Variants in BMP6 observed in about 807,000 individuals in gnomAD.
BMP6 encodes the protein bone morphogenetic protein 6, also known as VG-1-R.
BMP6 carries 17 observed loss-of-function variants against 54.1 expected under a neutral mutation model. That is an observed-to-expected ratio of 0.31 (90% CI 0.22 to 0.47). The LOEUF is 0.47. Ranked by LOEUF, BMP6 falls within the 20% of genes least tolerant of loss-of-function variation. The pLI, the probability that BMP6 is intolerant of heterozygous loss-of-function variation, is 1.00. For missense variants in BMP6, 720 were observed against 690.4 expected (o/e 1.04, Z -0.48); for synonymous variants, 328 against 291.2 (o/e 1.13, Z -1.28).
chr6:7,773,791 G>A (rs1403924928), intron 1 of BMP6, among the ~76,000 whole-genome samples: 2 of 152,110 alleles, frequency 1.3e-5, no homozygotes, highest in Non-Finnish European at 2.9e-5. Context: ...ATTTCCACGC[G>A]TTTACTACCT....
At chr6:7,736,957 G>T (rs1157073209) in intron 1 of BMP6, among the ~76,000 whole-genome samples, 2 of 152,162 alleles carry the variant, frequency 1.3e-5, no homozygotes, top group African/African-American at 4.8e-5. Flanking sequence ...GGAGGCCGAG[G>T]ACGGTGGATC....
intron 1 of BMP6, among the ~76,000 whole-genome samples, chr6:7,795,788 C>T (rs1353971562): frequency 6.6e-6 from 1 of 151,928 alleles, no homozygotes; most frequent in Non-Finnish European, 1.5e-5. Context: ...GGACTTAGTG[C>T]TGATTGGAAA....
rs770097052 is a variant in BMP6 at position 7,862,440 on chromosome 6, A to T, written c.1146A>T (p.Gln382His). 6.2e-7 allele frequency: 1 copy of T among 1,614,218 alleles called. No homozygotes were observed. The highest frequency in any genetic ancestry group is 8.5e-7 in the Non-Finnish European group (1 of 1,180,046). The change falls in exon 4 of 7, where the codon CAA becomes CAT. Residue 382 changes from glutamine (Q) to histidine (H), a missense_variant. This residue lies in a region of BMP6 where 650 missense variants were observed against 556.3 expected (regional missense o/e 1.17). Transcript: ENST00000283147. Reference sequence around the variant, plus strand: ...GGTCAGCCTCCAGCCGGCGCCGACAACAGAGTCGTAATCGCTCTACCCAGT... The same window carrying T: ...GGTCAGCCTCCAGCCGGCGCCGACATCAGAGTCGTAATCGCTCTACCCAGT... ...TTRSASSRRR[Q>H]QSRNRSTQSQ... is the part of the protein sequence containing the mutation.
At chr6:7,769,381 A>G (rs1757748256) in intron 1 of BMP6, among the ~76,000 whole-genome samples, 1 of 152,106 alleles carries the variant, frequency 6.6e-6, no homozygotes, top group Non-Finnish European at 1.5e-5. Flanking sequence ...GGGGGGTGGG[A>G]GTTTGGCATC....
intron 4 of BMP6, among the ~76,000 whole-genome samples, chr6:7,872,947 A>G (rs1424646861): frequency 1.3e-5 from 2 of 151,688 alleles, no homozygotes; most frequent in Non-Finnish European, 2.9e-5. Context: ...CAAATAGCCG[A>G]GACCACAGGC....
chr6:7,836,210 TAAAA>T (rs34121626), intron 1 of BMP6, among the ~76,000 whole-genome samples: 1 of 151,064 alleles, frequency 6.6e-6, no homozygotes, highest in Non-Finnish European at 1.5e-5. Context: ...ATTTTTTTTT[TAAAA>T]AAAAATGACT....
chr6:7,864,402 G>C (rs1349383378), intron 4 of BMP6, among the ~76,000 whole-genome samples: 2 of 152,118 alleles, frequency 1.3e-5, no homozygotes, highest in African/African-American at 4.8e-5. Flanking sequence ...TCAAAATCTG[G>C]CTCATAATAG....
intron 1 of BMP6, among the ~76,000 whole-genome samples, chr6:7,758,095 C>T (rs906431491): frequency 1.6e-4 from 24 of 152,222 alleles, no homozygotes; most frequent in Admixed American, 1.4e-3. Context: ...GTAGATTACT[C>T]TTGCTAGTAG....
chr6:7,804,352 C>T (rs551353652), intron 1 of BMP6, among the ~76,000 whole-genome samples: 2 of 152,122 alleles, frequency 1.3e-5, no homozygotes, highest in South Asian at 4.2e-4. Flanking sequence ...TCTCATTAGC[C>T]ATCTGGCCAT....
intron 1 of BMP6, among the ~76,000 whole-genome samples, chr6:7,765,883 C>G (rs1248033091): frequency 6.6e-6 from 1 of 152,210 alleles, no homozygotes; most frequent in Non-Finnish European, 1.5e-5. Context: ...TACCCTCCTT[C>G]AAGTTCAGAT....
intron 1 of BMP6, among the ~76,000 whole-genome samples, chr6:7,739,848 C>T (rs368502593): frequency 2.6e-5 from 4 of 152,252 alleles, no homozygotes; most frequent in East Asian, 3.9e-4. Context: ...ATCATGTTGA[C>T]GATGCTTTTT....
chr6:7,735,514 T>C (rs1265462279), intron 1 of BMP6, among the ~76,000 whole-genome samples: 1 of 152,234 alleles, frequency 6.6e-6, no homozygotes, highest in Non-Finnish European at 1.5e-5. Context: ...TGATTTTTAT[T>C]CAGATTTTAT....
At chr6:7,807,913 C>CTT (rs755894743) in intron 1 of BMP6, among the ~76,000 whole-genome samples, 1,154 of 81,456 alleles carry the variant, frequency 0.014, no homozygotes, top group Middle Eastern at 0.028. Context: ...GAAGTCTTTA[C>CTT]TTTTTTTTTT....
At chr6:7,792,194 C>A (rs142647444) in intron 1 of BMP6, among the ~76,000 whole-genome samples, 4 of 152,274 alleles carry the variant, frequency 2.6e-5, no homozygotes, top group Non-Finnish European at 4.4e-5. Context: ...GGGAAACCTC[C>A]GTTTTTGCTC....
chr6:7,856,120 T>A (rs1009176214), intron 2 of BMP6, among the ~76,000 whole-genome samples: 29 of 83,664 alleles, frequency 3.5e-4, no homozygotes, highest in Non-Finnish European at 4.6e-4. Flanking sequence ...TCAAAGACTG[T>A]AAAAAAAAAA....
intron 2 of BMP6, among the ~76,000 whole-genome samples, chr6:7,851,877 T>C (rs1759147606): frequency 6.6e-6 from 1 of 152,200 alleles, no homozygotes; most frequent in African/African-American, 2.4e-5. Context: ...TAAATGACTT[T>C]TAAATGTTAA....
chr6:7,807,960 G>A (rs1376885610), intron 1 of BMP6, among the ~76,000 whole-genome samples: 2 of 110,866 alleles, frequency 1.8e-5, no homozygotes, highest in African/African-American at 3.6e-5. Flanking sequence ...TTGCTCTGTT[G>A]CCCAGGCTGG....
intron 1 of BMP6, among the ~76,000 whole-genome samples, chr6:7,796,714 A>G (rs1341602644): frequency 6.6e-6 from 1 of 152,230 alleles, no homozygotes; most frequent in Non-Finnish European, 1.5e-5. Context: ...TACTTAGTAG[A>G]ACCAATACAT....
At chr6:7,795,760 G>A (rs932687626) in intron 1 of BMP6, among the ~76,000 whole-genome samples, 5 of 152,146 alleles carry the variant, frequency 3.3e-5, no homozygotes, top group Middle Eastern at 3.4e-3. Context: ...AGAAAACCCC[G>A]GGGAAGTCAA....
Sources: allele counts gnomAD v4.1 joint callset (sites outside exome capture counted in the v4.1 genomes callset), GRCh38; gene constraint gnomAD v4.1.1; regional missense constraint gnomAD v4.1.1; transcripts MANE v1.5; gene names NCBI Gene and HGNC (gene_info 2026-07-23, HGNC 2026-07-21).